Variants in USP2 observed in about 807,000 individuals in gnomAD.
USP2 encodes the protein ubiquitin carboxyl-terminal hydrolase 2.
USP2 carries 33 observed loss-of-function variants against 72.0 expected under a neutral mutation model. The observed-to-expected ratio is 0.46, with a 90% CI of 0.35 to 0.61. The LOEUF (loss-of-function observed/expected upper bound fraction) is 0.61, where lower values mean the gene tolerates loss of function less well. Among genes scored for constraint, USP2 ranks in the 20% least tolerant of loss-of-function variants. USP2 has a pLI of 0.01. For synonymous variants in USP2, 296 were observed against 312.5 expected (o/e 0.95, Z 0.56); for missense variants, 691 against 797.8 (o/e 0.87, Z 1.61).
In USP2 at chr11:119,355,230, ATTAT is replaced by A. The variant is rs1950634351; in HGVS notation, c.*1601_*1604del. The stretch of plus-strand genomic sequence containing the variant: ...ATCTGCCAACTGATTTCTCAAAGCT[ATTAT>A]TTATTCTGTACAAGGTTCCACTGTA... On this transcript the variant is annotated 3_prime_UTR_variant, in exon 13 of 13. Transcript: ENST00000260187. 6.6e-6 allele frequency: 1 copy of A among 152,188 alleles called. No homozygotes were observed. The allele number at this position is 152,188 out of a possible 1,614,324, so 9.4% of individuals were successfully genotyped here.
Position 119,372,754 on chromosome 11 carries a change from G to C in USP2, c.727C>G (p.Gln243Glu). 6.4e-7 allele frequency: 1 copy of C among 1,552,848 alleles called. No homozygotes were observed. Among genetic ancestry groups the C allele is most frequent in the East Asian group, 2.2e-5 (1 of 44,546 alleles). Residue 243 changes from glutamine to glutamate, a missense_variant, in exon 2 of 13, where the codon CAG becomes GAG. Physicochemically the swap from Gln to Glu is conservative, Grantham distance 29. Transcript: ENST00000260187. ...RYTLWETGKG[Q>E]APGPSRSSSP... The stretch of plus-strand genomic sequence containing the variant: ...CTGGAGCGGCTGGGCCCAGGGGCCT[G>C]ACCCTTTCCCGTCTCCCACAGCGTG...
intron 2 of USP2, among the ~76,000 whole-genome samples, chr11:119,369,214 T>G (rs575518304): frequency 5.9e-5 from 9 of 152,288 alleles, no homozygotes; most frequent in Admixed American, 5.9e-4. Flanking sequence ...TGCGCCCCCC[T>G]GGCCTGGCAT....
At chr11:119,362,899 T>C (rs546758870) in intron 2 of USP2, among the ~76,000 whole-genome samples, 101 of 152,356 alleles carry the variant, frequency 6.6e-4, no homozygotes, top group Non-Finnish European at 1.0e-3. Flanking sequence ...AGGGAGCAGA[T>C]GGCACCTTCA....
At chr11:119,358,972 A>G (rs1386426456) in intron 6 of USP2, 52 bp downstream of exon 6, 3 of 1,600,434 alleles carry the variant, frequency 1.9e-6, no homozygotes, top group South Asian at 2.2e-5. Flanking sequence ...GTGGGTAAAA[A>G]TCTCGAGTTC....
chr11:119,363,938 C>A (rs1361853810), intron 2 of USP2: 3 of 167,732 alleles, frequency 1.8e-5, no homozygotes, highest in Non-Finnish European at 2.4e-5. Flanking sequence ...TTGGCGAGGG[C>A]GGGAAAGGGG....
chr11:119,377,325 C>T (rs140138747), intron 1 of USP2, among the ~76,000 whole-genome samples: 39 of 152,284 alleles, frequency 2.6e-4, no homozygotes, highest in African/African-American at 6.7e-4. Flanking sequence ...CTTCACTCTT[C>T]CCTGGCTCTC....
chr11:119,373,347 T>G lies in USP2; in HGVS notation c.134A>C (p.Glu45Ala). Residue 45 changes from glutamate to alanine, a missense_variant, in exon 2 of 13, where the codon GAG becomes GCG. Glu to Ala is a moderately radical substitution (Grantham distance 107, BLOSUM62 -1). Coordinates refer to ENST00000260187, the MANE Select transcript of USP2 (RefSeq NM_004205.5). Reference protein sequence around the residue: ...YGANLAASLLEKEKLGFKPVP... With the variant: ...YGANLAASLLAKEKLGFKPVP... ...CGGCTTGAAACCAAGTTTCTCCTTCTCCAGTAAGGAGGCAGCCAGATTGGC... is the reference window on the plus strand; with the variant it reads ...CGGCTTGAAACCAAGTTTCTCCTTCGCCAGTAAGGAGGCAGCCAGATTGGC... 1 of 1,612,802 alleles carries G rather than the reference T, an allele frequency of 6.2e-7. No individual in the cohort carries two copies. Among genetic ancestry groups the G allele is most frequent in the South Asian group, 1.1e-5 (1 of 91,088 alleles).
At chr11:119,375,299 G>A (rs1950986247) in intron 1 of USP2, among the ~76,000 whole-genome samples, 1 of 152,236 alleles carries the variant, frequency 6.6e-6, no homozygotes, top group Non-Finnish European at 1.5e-5. Flanking sequence ...GGTGAGAGAT[G>A]AGCAGGTGGC....
intron 2 of USP2, chr11:119,364,158 C>A (rs1044784203): frequency 5.9e-4 from 716 of 1,205,418 alleles, no homozygotes; most frequent in Non-Finnish European, 7.0e-4. Context: ...TCAACCTCCC[C>A]GGCGTGCGCC....
rs1950989984 is a variant in USP2 at position 119,375,562 on chromosome 11, G to A, written c.-41-2041C>T. 2.0e-5 allele frequency among the ~76,000 whole-genome samples: 3 copies of A among 152,234 alleles called. 1 individual carries two copies. The South Asian group carries it at 6.2e-4, about 32-fold the overall frequency. ...GAGGGAAACCATAGCGGGAGAGACA[G>A]ACAGAGGCACAGGGTCGGGGTGGGG... On this transcript the variant is annotated intron_variant, in intron 1 of 12. Transcript: ENST00000260187.
rs546878628 is a variant in USP2 at position 119,356,512 on chromosome 11, G to A, written c.*323C>T. On this transcript the variant is annotated 3_prime_UTR_variant, in exon 13 of 13. Coordinates refer to ENST00000260187, the MANE Select transcript of USP2 (RefSeq NM_004205.5). ...AGGCGCGGGCGCTGCGGCGGGAAGC[G>A]GCGCAGCGAGGGTCTTCCCCCCCAA... 553 of 244,822 alleles carry A rather than the reference G, an allele frequency of 2.3e-3. 5 individuals are homozygous for A. The highest frequency in any genetic ancestry group is 0.012 in the African/African-American group (516 of 44,240). 15.2% of individuals were successfully genotyped at this position (244,822 alleles called of 1,614,324 possible).
intron 1 of USP2, 93 bp downstream of exon 1, chr11:119,381,380 G>T: frequency 7.5e-7 from 1 of 1,337,640 alleles, no homozygotes; most frequent in Non-Finnish European, 1.0e-6. Flanking sequence ...TGTCCACTCT[G>T]CCCAGAATGT....
chr11:119,357,907 G>A, intron 9 of USP2, 72 bp from the exon 10 acceptor site: 2 of 1,612,892 alleles, frequency 1.2e-6, no homozygotes, highest in South Asian at 1.1e-5. Context: ...TCCTCAACTG[G>A]ATCTGCTGGT....
At position 119,365,255 on chromosome 11, in the gene USP2, C is replaced by T. The variant is rs148175810; in HGVS notation, c.775-5021G>A. ...GCTCATCCCCACATGTACACGCACA[C>T]ATGACCACAGCTACATGGGGACTGT... On this transcript the variant is annotated intron_variant, in intron 2 of 12. Coordinates refer to ENST00000260187, the MANE Select transcript of USP2 (RefSeq NM_004205.5). Among the ~76,000 whole-genome samples, 905 of 152,298 alleles carry T rather than the reference C, an allele frequency of 5.9e-3. 4 individuals are homozygous for T. The highest frequency in any genetic ancestry group is 8.3e-3 in the Non-Finnish European group (565 of 68,022).
chr11:119,377,740 C>T (rs1951019173), intron 1 of USP2, among the ~76,000 whole-genome samples: 1 of 152,168 alleles, frequency 6.6e-6, no homozygotes, highest in Non-Finnish European at 1.5e-5. Context: ...CCCCGTGGGG[C>T]AGCCAACCCC....
At position 119,357,588 on chromosome 11, in the gene USP2, G is replaced by C; in HGVS notation, c.1504C>G (p.Leu502Val). Residue 502 changes from leucine (L) to valine (V), a missense_variant and splice_region_variant, in exon 11 of 13, where the codon CTG becomes GTG. Leu to Val is a conservative substitution (Grantham distance 32). Transcript: ENST00000260187. ...QRFPKILVLH[L>V]KRFSESRIRT... ...ATCCTGGATTCTGAGAACCGCTTCA[G>C]ATCTGGCATTGACGTGAGTCAAGGA... 6.2e-7 allele frequency: 1 copy of C among 1,614,172 alleles called. No homozygotes were observed. The highest frequency in any genetic ancestry group is 2.2e-5 in the East Asian group (1 of 44,884).
chr11:119,365,700 T>A (rs35310980), intron 2 of USP2, among the ~76,000 whole-genome samples: 8,974 of 152,242 alleles, frequency 0.059, 277 homozygotes, highest in Non-Finnish European at 0.074. Flanking sequence ...AGGCTGTTTG[T>A]CCACAGGCCC....
intron 2 of USP2, among the ~76,000 whole-genome samples, chr11:119,363,340 T>C (rs1950793977): frequency 6.6e-6 from 1 of 152,192 alleles, no homozygotes; most frequent in African/African-American, 2.4e-5. Context: ...TTGCCCTCTG[T>C]CACCTGTCTG....
At chr11:119,363,304 A>AT (rs1353626443) in intron 2 of USP2, among the ~76,000 whole-genome samples, 1 of 152,120 alleles carries the variant, frequency 6.6e-6, no homozygotes, top group African/African-American at 2.4e-5. Flanking sequence ...CGCTGCATAA[A>AT]TGGAGAGGAC....
Sources: gnomAD v4.1 joint callset for allele counts (sites outside exome capture counted in the v4.1 genomes callset) on GRCh38, gnomAD v4.1.1 for gene constraint, MANE v1.5 for transcripts, NCBI Gene and HGNC (gene_info 2026-07-23, HGNC 2026-07-21) for gene names.